NXN: variants seen among roughly 807,000 people sequenced by gnomAD.
NXN encodes nucleoredoxin.
In NXN, 16 loss-of-function variants were observed where a neutral mutation model predicts 48.6. The observed-to-expected ratio is 0.33, with a 90% CI of 0.22 to 0.50. NXN has a LOEUF of 0.50. Ranked by LOEUF, NXN falls within the 20% of genes least tolerant of loss-of-function variation. The pLI, the probability that NXN is intolerant of heterozygous loss-of-function variation, is 0.98. For missense variants in NXN, 492 were observed against 605.5 expected, an observed-to-expected ratio of 0.81 and a Z score of 1.97; for synonymous variants, 281 against 269.6, an observed-to-expected ratio of 1.04 and a Z score of -0.41.
intron 1 of NXN, among the ~76,000 whole-genome samples, chr17:898,826 G>A: frequency 1.4e-5 from 1 of 71,026 alleles, no homozygotes; most frequent in East Asian, 7.2e-4. Flanking sequence ...ACTCCAGCCT[G>A]GGTGACAAAA....
intron 1 of NXN, among the ~76,000 whole-genome samples, chr17:839,839 A>G (rs113383707): frequency 0.093 from 13,051 of 140,618 alleles, 820 homozygotes; most frequent in Middle Eastern, 0.22. Context: ...GCTCACACCT[A>G]TAATCCCAGC....
In NXN at chr17:825,669, G is replaced by A. The variant is rs895452434; in HGVS notation, c.478+292C>T. 18 of 310,118 alleles carry A rather than the reference G, an allele frequency of 5.8e-5. No individual in the cohort carries two copies. The highest frequency in any genetic ancestry group is 2.0e-4 in the African/African-American group (9 of 45,598). 19.2% of individuals were successfully genotyped at this position (310,118 alleles called of 1,614,324 possible). ...CTAGAGGCCGGGGTCTGAGCTCTCC[G>A]CTTTCCCACAGCCTCTGCGGCCCTC... is the stretch of plus-strand genomic sequence containing the variant. On this transcript the variant is annotated intron_variant, in intron 2 of 7. Coordinates refer to ENST00000336868, the MANE Select transcript of NXN (RefSeq NM_022463.5). The surrounding 1 kb of genome is among the most constrained non-coding windows in gnomAD (Gnocchi z 4.1).
At chr17:874,783 A>C (rs1159090473) in intron 1 of NXN, among the ~76,000 whole-genome samples, 1 of 152,202 alleles carries the variant, frequency 6.6e-6, no homozygotes, top group Non-Finnish European at 1.5e-5. Flanking sequence ...GGGAGAACAG[A>C]CTAATGCAGC....
chr17:979,047 G>C (rs1023075979), intron 1 of NXN, among the ~76,000 whole-genome samples: 4 of 144,696 alleles, frequency 2.8e-5, no homozygotes, highest in Non-Finnish European at 4.5e-5. Context: ...TCCAGGGCGG[G>C]CGCAGCGCAG....
intron 7 of NXN, among the ~76,000 whole-genome samples, chr17:802,113 T>G (rs1911243830): frequency 6.6e-6 from 1 of 152,200 alleles, no homozygotes; most frequent in Non-Finnish European, 1.5e-5. Context: ...GAGAAAGGAT[T>G]TGTAAGGGAG....
At chr17:847,847 T>C (rs575579079) in intron 1 of NXN, among the ~76,000 whole-genome samples, 47 of 152,310 alleles carry the variant, frequency 3.1e-4, no homozygotes, top group Admixed American at 4.6e-4. Flanking sequence ...CATATGTCTT[T>C]GAATTTATGC....
At position 831,970 on chromosome 17, in the gene NXN, T is replaced by C. The variant is rs72810293; in HGVS notation, c.361-5892A>G. Among the ~76,000 whole-genome samples, 769 of 121,088 alleles carry C rather than the reference T, an allele frequency of 6.4e-3. 9 individuals carry two copies. Among genetic ancestry groups the C allele is most frequent in the Middle Eastern group, 0.017 (4 of 232 alleles). 79.4% of individuals were successfully genotyped at this position (121,088 alleles called of 152,430 possible). ...TTATTAAGGGATCACTAGGATCTTATGTTCTGTGGGGCTTGGGGCTCCCAC... is the reference window on the plus strand; with the variant it reads ...TTATTAAGGGATCACTAGGATCTTACGTTCTGTGGGGCTTGGGGCTCCCAC... On this transcript the variant is annotated intron_variant, in intron 1 of 7. Coordinates refer to ENST00000336868, the MANE Select transcript of NXN (RefSeq NM_022463.5).
intron 5 of NXN, among the ~76,000 whole-genome samples, chr17:808,082 T>TGCTC (rs1911678277): frequency 6.6e-6 from 1 of 152,126 alleles, no homozygotes; most frequent in African/African-American, 2.4e-5. Flanking sequence ...CAGAAGCTGC[T>TGCTC]GCTCTTCCTG....
intron 5 of NXN, among the ~76,000 whole-genome samples, chr17:812,571 CTGTG>C (rs547702677): frequency 6.6e-6 from 1 of 151,724 alleles, no homozygotes; most frequent in South Asian, 2.1e-4. Flanking sequence ...GTGTGTGAGT[CTGTG>C]TGTGCACGTG....
At chr17:809,967 T>G (rs74638471) in intron 5 of NXN, among the ~76,000 whole-genome samples, 6,952 of 99,682 alleles carry the variant, frequency 0.07, 504 homozygotes, top group East Asian at 0.12. Flanking sequence ...GTGAGTGGCG[T>G]GTACGTTACG....
At chr17:878,517 T>G (rs543166851) in intron 1 of NXN, among the ~76,000 whole-genome samples, 88 of 61,886 alleles carry the variant, frequency 1.4e-3, no homozygotes, top group East Asian at 5.9e-3. Context: ...AAGGTGGGGT[T>G]TGGGGGCAGG....
At chr17:806,919 CAT>C (rs1366526569) in intron 5 of NXN, among the ~76,000 whole-genome samples, 27 of 122,890 alleles carry the variant, frequency 2.2e-4, no homozygotes, top group Non-Finnish European at 6.3e-5. Flanking sequence ...CACACACTCA[CAT>C]ACACACACAC....
chr17:870,229 T>C (rs1447816648), intron 1 of NXN, among the ~76,000 whole-genome samples: 1 of 152,212 alleles, frequency 6.6e-6, no homozygotes, highest in South Asian at 2.1e-4. Context: ...CACTTTCTGA[T>C]TCCAGTTCTC....
Position 918,619 on chromosome 17 carries a change from C to G in NXN, c.360+60700G>C, listed in dbSNP as rs369638554. Among the ~76,000 whole-genome samples, 64 of 151,768 alleles carry G rather than the reference C, an allele frequency of 4.2e-4. No individual in the cohort carries two copies. In the South Asian group the frequency reaches 0.013, roughly 31 times the overall value. On this transcript the variant is annotated intron_variant, in intron 1 of 7. Coordinates refer to ENST00000336868, the MANE Select transcript of NXN (RefSeq NM_022463.5). ...AGCAGTCTGGCCAACACGATGAAAACCTGTCTCTACTAAAAATACAAAAAT... is the reference window on the plus strand; with the variant it reads ...AGCAGTCTGGCCAACACGATGAAAAGCTGTCTCTACTAAAAATACAAAAAT...
intron 1 of NXN, among the ~76,000 whole-genome samples, chr17:855,435 T>C (rs1208222264): frequency 6.6e-6 from 1 of 152,164 alleles, no homozygotes; most frequent in African/African-American, 2.4e-5. Context: ...ATCCAAGATA[T>C]CTTCTTTGCG....
intron 1 of NXN, among the ~76,000 whole-genome samples, chr17:839,426 ACT>A (rs1447279591): frequency 2.0e-5 from 3 of 151,654 alleles, no homozygotes; most frequent in African/African-American, 4.8e-5. Context: ...CCAGAGTGAA[ACT>A]CTGTCTCAAA....
In NXN at chr17:864,045, T is replaced by C. The variant is rs114600103; in HGVS notation, c.361-37967A>G. 915 of 1,507,042 alleles carry C rather than the reference T, an allele frequency of 6.1e-4. 3 individuals carry two copies. In the African/African-American group the frequency reaches 0.011, roughly 18 times the overall value. 93.4% of individuals were successfully genotyped at this position (1,507,042 alleles called of 1,614,324 possible). On this transcript the variant is annotated intron_variant, in intron 1 of 7. Transcript: ENST00000336868. ...CTGGGTTCCGGTGAAGGGACACGTC[T>C]GCCATTGCTCGGTTCCGGTGAAGGG...
At chr17:803,959 C>T (rs1911344646) in intron 6 of NXN, 153 bp from the exon 7 acceptor site, 1 of 922,878 alleles carries the variant, frequency 1.1e-6, no homozygotes, top group African/African-American at 1.6e-5. Flanking sequence ...AGGTCTTGCT[C>T]CCCGCATGCA....
chr17:955,603 A>T (rs900085551), intron 1 of NXN, among the ~76,000 whole-genome samples: 14 of 143,956 alleles, frequency 9.7e-5, no homozygotes, highest in African/African-American at 3.6e-4. Context: ...CTGTAATCCC[A>T]GCACCTCGGG....
Sources: gnomAD v4.1 joint callset for allele counts (sites outside exome capture counted in the v4.1 genomes callset) on GRCh38, gnomAD v4.1.1 for gene constraint, Gnocchi (gnomAD v3.1) non-coding constraint, MANE v1.5 for transcripts, NCBI Gene and HGNC (gene_info 2026-07-23, HGNC 2026-07-21) for gene names.